The following UNC13C variants were observed in gnomAD, a reference collection of about 807,000 sequenced individuals.
UNC13C encodes the protein unc-13 homolog C, also known as protein unc-13 homolog C.
In UNC13C, 174 loss-of-function variants were observed where a neutral mutation model predicts 245.4. That is an observed-to-expected ratio of 0.71 (90% CI 0.63 to 0.80). The LOEUF (loss-of-function observed/expected upper bound fraction) is 0.80, where lower values mean the gene tolerates loss of function less well. Ranked by LOEUF, UNC13C falls within the 30% of genes least tolerant of loss-of-function variation. The probability of loss-of-function intolerance (pLI) is 0.00; values close to 1 mark genes in which losing one functional copy is unlikely to be tolerated. For missense variants in UNC13C, 2,829 were observed against 2,602.9 expected (o/e 1.09, Z -1.89); for synonymous variants, 992 against 895.1 (o/e 1.11, Z -1.93).
At chr15:53,947,983 C>A in the UNC13C span, 5 of 152,186 alleles carry the variant, frequency 3.3e-5, no homozygotes, top group African/African-American at 1.2e-4. Flanking sequence ...ATTGTTTTAA[C>A]TTTATCAGAA....
rs561357912 is a variant in UNC13C at position 54,378,672 on chromosome 15, A to G, written c.4714-14376A>G. On this transcript the variant is annotated intron_variant, in intron 17 of 32. Transcript: ENST00000260323. ...AGGAATCTAAAGTTTTGAAGAGATT[A>G]ATTCTTTGCCCAAATTTATACAATA... Among the ~76,000 whole-genome samples, 4 of 151,972 alleles carry G rather than the reference A, an allele frequency of 2.6e-5. No individual in the cohort carries two copies. In the East Asian group the frequency reaches 7.7e-4, roughly 29 times the overall value.
chr15:54,421,036 T>C (rs911739539), intron 19 of UNC13C, among the ~76,000 whole-genome samples: 12 of 152,088 alleles, frequency 7.9e-5, no homozygotes, highest in African/African-American at 2.7e-4. Context: ...AGCAATTGCC[T>C]ATTTAGCACT....
intron 2 of UNC13C, among the ~76,000 whole-genome samples, chr15:54,017,566 G>A (rs373489681): frequency 2.5e-4 from 38 of 151,868 alleles, no homozygotes; most frequent in Non-Finnish European, 4.4e-4. Flanking sequence ...ATGGCAGTTG[G>A]TTAATGTAGT....
At chr15:54,345,403 A>T (rs1236101459) in intron 17 of UNC13C, among the ~76,000 whole-genome samples, 2 of 152,160 alleles carry the variant, frequency 1.3e-5, no homozygotes, top group East Asian at 3.9e-4. Flanking sequence ...ACTCTGGGTC[A>T]TGTGGCAGGA....
intron 8 of UNC13C, among the ~76,000 whole-genome samples, chr15:54,257,797 A>C (rs1319613313): frequency 6.6e-6 from 1 of 152,206 alleles, no homozygotes; most frequent in Non-Finnish European, 1.5e-5. Context: ...TAACTTGAAG[A>C]CTGGGGGAGT....
intron 7 of UNC13C, among the ~76,000 whole-genome samples, chr15:54,249,385 C>T (rs115353816): frequency 2.0e-5 from 3 of 152,154 alleles, no homozygotes; most frequent in African/African-American, 7.2e-5. Flanking sequence ...AGTCTTAGAG[C>T]CCTTACATTT....
At chr15:54,332,158 G>C in intron 15 of UNC13C, 47 bp downstream of exon 15, 3 of 1,338,868 alleles carry the variant, frequency 2.2e-6, no homozygotes, top group African/African-American at 1.5e-5. Context: ...GTTTGGTCTA[G>C]AGAATTTCTT....
At chr15:54,244,983 C>T (rs12439232) in intron 7 of UNC13C, among the ~76,000 whole-genome samples, 6,954 of 152,128 alleles carry the variant, frequency 0.046, 389 homozygotes, top group East Asian at 0.23. Flanking sequence ...TTGCCCTAGC[C>T]GGAACTTTCA....
At chr15:54,210,438 TCAAAATTA>T (rs762257582) in intron 4 of UNC13C, among the ~76,000 whole-genome samples, 29 of 152,042 alleles carry the variant, frequency 1.9e-4, no homozygotes, top group Non-Finnish European at 3.5e-4. Context: ...CAATGCTATG[TCAAAATTA>T]CTTCATGATG....
chr15:54,216,042 T>C (rs999415827), intron 4 of UNC13C, among the ~76,000 whole-genome samples: 1 of 151,920 alleles, frequency 6.6e-6, no homozygotes, highest in African/African-American at 2.4e-5. Flanking sequence ...ATGTACATGG[T>C]GATCCAAATA....
At chr15:53,886,293 A>G in the UNC13C span, among the ~76,000 whole-genome samples, 5 of 152,270 alleles carry the variant, frequency 3.3e-5, no homozygotes, top group South Asian at 2.1e-4. Flanking sequence ...ATGAGCTTGG[A>G]ACATTTGTAG....
intron 2 of UNC13C, among the ~76,000 whole-genome samples, chr15:54,046,641 TAG>T (rs1345601027): frequency 6.6e-6 from 1 of 151,736 alleles, no homozygotes; most frequent in African/African-American, 2.4e-5. Context: ...TTCTAGAACA[TAG>T]ACACTTTTTT....
chr15:53,865,965 A>ATTATTTGTT, the UNC13C span, among the ~76,000 whole-genome samples: 1 of 152,172 alleles, frequency 6.6e-6, no homozygotes, highest in Non-Finnish European at 1.5e-5. Context: ...ATAGAATAAC[A>ATTATTTGTT]AATAAATAAC....
In UNC13C at chr15:54,113,670, C is replaced by CA. The variant is rs1273213017; in HGVS notation, c.2984-29348_2984-29347insA. Reference sequence around the variant, plus strand: ...TGAAACCCCGTCTCTACTAAAAATACGAAAAATTAGCTGGGCGTGGTGGCA... The same window carrying CA: ...TGAAACCCCGTCTCTACTAAAAATACAGAAAAATTAGCTGGGCGTGGTGGCA... On this transcript the variant is annotated intron_variant, in intron 2 of 32. Coordinates refer to ENST00000260323, the MANE Select transcript of UNC13C (RefSeq NM_001080534.3). 3.3e-5 allele frequency among the ~76,000 whole-genome samples: 5 copies of CA among 151,796 alleles called. 1 individual carries two copies. Among genetic ancestry groups the CA allele is most frequent in the Non-Finnish European group, 7.4e-5 (5 of 67,932 alleles).
intron 2 of UNC13C, among the ~76,000 whole-genome samples, chr15:54,131,805 TG>T (rs2141215600): frequency 6.6e-6 from 1 of 152,290 alleles, no homozygotes; most frequent in South Asian, 2.1e-4. Flanking sequence ...TTCTTGCAAT[TG>T]TTTACTGTCG....
chr15:54,471,132 C>G (rs988464023), intron 19 of UNC13C, among the ~76,000 whole-genome samples: 1 of 151,484 alleles, frequency 6.6e-6, no homozygotes. Context: ...AATATTTGAT[C>G]TATCTTGGAA....
At position 54,107,925 on chromosome 15, in the gene UNC13C, G is replaced by A. The variant is rs1205711027; in HGVS notation, c.2984-35093G>A. Among the ~76,000 whole-genome samples the A allele has an allele frequency of 2.0e-5, 3 of 152,238 alleles. No individual in the cohort carries two copies. The East Asian group carries it at 5.8e-4, about 29-fold the overall frequency. On this transcript the variant is annotated intron_variant, in intron 2 of 32. Transcript: ENST00000260323. ...TGAGTCTTGAGAGGATTGAAATTTTGTCCTTTATTCTAAAAGTTATTGAAA... is the reference window on the plus strand; with the variant it reads ...TGAGTCTTGAGAGGATTGAAATTTTATCCTTTATTCTAAAAGTTATTGAAA...
intron 17 of UNC13C, among the ~76,000 whole-genome samples, chr15:54,381,524 C>T (rs984970997): frequency 6.6e-6 from 1 of 152,106 alleles, no homozygotes; most frequent in African/African-American, 2.4e-5. Flanking sequence ...ATTGCATTGA[C>T]TCTGTAGATC....
intron 29 of UNC13C, among the ~76,000 whole-genome samples, chr15:54,562,121 G>T (rs558168740): frequency 6.6e-6 from 1 of 152,022 alleles, no homozygotes; most frequent in African/African-American, 2.4e-5. Context: ...CTTGAGATAG[G>T]GGCTGATGCT....
Sources: gnomAD v4.1 joint callset for allele counts (sites outside exome capture counted in the v4.1 genomes callset) on GRCh38, gnomAD v4.1.1 for gene constraint, MANE v1.5 for transcripts, NCBI Gene and HGNC (gene_info 2026-07-23, HGNC 2026-07-21) for gene names.